The following CALD1 variants were observed in gnomAD, a reference collection of about 807,000 sequenced individuals.
CALD1 encodes the protein caldesmon.
In CALD1, 33 loss-of-function variants were observed where a neutral mutation model predicts 99.9. The ratio of observed to expected loss-of-function variants is 0.33; its 90% confidence interval spans 0.25 to 0.44. CALD1 has a LOEUF of 0.44. Ranked by LOEUF, CALD1 falls within the 20% of genes least tolerant of loss-of-function variation. CALD1 has a pLI of 1.00. For synonymous variants in CALD1, 310 were observed against 325.0 expected, an observed-to-expected ratio of 0.95 and a Z score of 0.50; for missense variants, 861 against 962.1, an observed-to-expected ratio of 0.89 and a Z score of 1.39.
At chr7:134,746,444 C>T (rs1243059267) in intron 1 of CALD1, among the ~76,000 whole-genome samples, 1 of 152,112 alleles carries the variant, frequency 6.6e-6, no homozygotes, top group Non-Finnish European at 1.5e-5. Flanking sequence ...TCTGGCAGTC[C>T]AAACGGTTTA....
At chr7:134,945,335 C>T (rs1472486563) in intron 7 of CALD1, among the ~76,000 whole-genome samples, 1 of 152,220 alleles carries the variant, frequency 6.6e-6, no homozygotes, top group African/African-American at 2.4e-5. Flanking sequence ...GGAAACGCTT[C>T]TCTCAGACTC....
intron 2 of CALD1, among the ~76,000 whole-genome samples, chr7:134,862,946 GT>G (rs1406554751): frequency 6.6e-5 from 10 of 152,178 alleles, no homozygotes; most frequent in Non-Finnish European, 1.0e-4. Flanking sequence ...GGAAGGGTTT[GT>G]CCCATTTCTC....
intron 2 of CALD1, among the ~76,000 whole-genome samples, chr7:134,853,840 T>C (rs1800180258): frequency 6.6e-6 from 1 of 151,350 alleles, no homozygotes; most frequent in Non-Finnish European, 1.5e-5. Context: ...GTATTTCTCC[T>C]AATGCCATCC....
At chr7:134,712,317 A>G in the CALD1 span, among the ~76,000 whole-genome samples, 1 of 152,184 alleles carries the variant, frequency 6.6e-6, no homozygotes, top group East Asian at 1.9e-4. Context: ...TAAAATATTT[A>G]GTCTGGAATC....
chr7:134,851,693 C>T (rs73724878), intron 2 of CALD1, among the ~76,000 whole-genome samples: 8 of 152,276 alleles, frequency 5.3e-5, no homozygotes, highest in African/African-American at 1.9e-4. Flanking sequence ...CAATGACTGT[C>T]TGGAAATCTT....
chr7:134,915,503 A>G (rs1423807582), intron 3 of CALD1, among the ~76,000 whole-genome samples: 2 of 152,246 alleles, frequency 1.3e-5, no homozygotes, highest in East Asian at 1.9e-4. Context: ...CTTATTGGTT[A>G]GTAAACTAAT....
chr7:134,884,080 C>T (rs745377953), intron 3 of CALD1, among the ~76,000 whole-genome samples: 10 of 148,278 alleles, frequency 6.7e-5, no homozygotes, highest in Non-Finnish European at 1.5e-4. Context: ...CCAGCCTGGG[C>T]AACAAGAGTG....
intron 3 of CALD1, among the ~76,000 whole-genome samples, chr7:134,921,026 A>G (rs1049374510): frequency 6.6e-5 from 10 of 152,238 alleles, no homozygotes; most frequent in African/African-American, 2.4e-4. Flanking sequence ...CACAGGGAAT[A>G]TTGAAGAACA....
At chr7:134,806,239 G>A (rs150336861) in intron 1 of CALD1, among the ~76,000 whole-genome samples, 1 of 152,288 alleles carries the variant, frequency 6.6e-6, no homozygotes, top group East Asian at 1.9e-4. Context: ...CAGTGTCTTG[G>A]CTGGAATTCC....
At chr7:134,775,449 C>T (rs560843822), upstream of CALD1, among the ~76,000 whole-genome samples, 5 of 152,320 alleles carry the variant, frequency 3.3e-5, no homozygotes, top group South Asian at 4.1e-4. Context: ...CTGTGGCTCT[C>T]GCCTGGAATC....
At chr7:134,814,613 G>C (rs1798486594) in intron 1 of CALD1, among the ~76,000 whole-genome samples, 1 of 152,140 alleles carries the variant, frequency 6.6e-6, no homozygotes, top group East Asian at 1.9e-4. Context: ...CAAAGCCCTG[G>C]GGACCACCTT....
intron 1 of CALD1, among the ~76,000 whole-genome samples, chr7:134,771,413 T>C (rs111735455): frequency 0.012 from 1,797 of 152,276 alleles, 22 homozygotes; most frequent in Non-Finnish European, 0.019. Flanking sequence ...ATTCAGACCA[T>C]AACAGGAGAC....
intron 3 of CALD1, chr7:134,891,818 A>G: frequency 4.4e-6 from 3 of 679,406 alleles, no homozygotes; most frequent in South Asian, 4.1e-5. Context: ...AAAGGAATGC[A>G]GTGAGTGTGT....
intron 3 of CALD1, among the ~76,000 whole-genome samples, chr7:134,923,938 C>T (rs1410510783): frequency 2.0e-5 from 3 of 152,096 alleles, no homozygotes; most frequent in Non-Finnish European, 2.9e-5. Context: ...TAATAATGTC[C>T]TTAGCAGCAT....
upstream of CALD1, among the ~76,000 whole-genome samples, chr7:134,775,710 C>CA (rs56224432): frequency 7.4e-6 from 1 of 135,996 alleles, no homozygotes; most frequent in African/African-American, 2.7e-5. Context: ...GACTCCGTCT[C>CA]AAAAAAAAAA....
At chr7:134,784,441 C>A (rs1035459448) in intron 1 of CALD1, among the ~76,000 whole-genome samples, 3 of 152,208 alleles carry the variant, frequency 2.0e-5, no homozygotes, top group African/African-American at 7.2e-5. Context: ...ATTAGTTCCA[C>A]TGGGGTCAGG....
intron 3 of CALD1, among the ~76,000 whole-genome samples, chr7:134,877,546 G>A (rs1482389759): frequency 1.3e-5 from 2 of 152,032 alleles, no homozygotes; most frequent in Non-Finnish European, 2.9e-5. Flanking sequence ...CCATACCTGA[G>A]GATTCAACCA....
rs769523775 is a variant in CALD1, at chr7:134,928,796, C to G, written c.114C>G (p.Ala38=). 6.2e-7 allele frequency: 1 copy of G among 1,613,760 alleles called. No homozygotes were observed. The highest frequency in any genetic ancestry group is 1.3e-5 in the African/African-American group (1 of 74,874). The part of the protein sequence containing the change: ...QRNDDDEEEA[A]RERRRRARQE... ...ATGACGATGATGAAGAGGAGGCAGCCCGGGAACGGCGCCGCCGAGCCCGAC... is the reference window on the plus strand; with the variant it reads ...ATGACGATGATGAAGAGGAGGCAGCGCGGGAACGGCGCCGCCGAGCCCGAC... Residue 38 remains alanine, a synonymous_variant, in exon 4 of 15, where the codon GCC becomes GCG. Coordinates refer to ENST00000361675, the MANE Select transcript of CALD1 (RefSeq NM_033138.4).
intron 3 of CALD1, among the ~76,000 whole-genome samples, chr7:134,887,756 C>T (rs1801938161): frequency 7.0e-6 from 1 of 141,932 alleles, no homozygotes; most frequent in Non-Finnish European, 1.5e-5. Context: ...ATGTGTGTCT[C>T]TATGTGCCTG....
Sources: gnomAD v4.1 joint callset for allele counts (sites outside exome capture counted in the v4.1 genomes callset) on GRCh38, gnomAD v4.1.1 for gene constraint, MANE v1.5 for transcripts, NCBI Gene and HGNC (gene_info 2026-07-23, HGNC 2026-07-21) for gene names.